The following DNAJC1 variants were observed in gnomAD, a reference collection of about 807,000 sequenced individuals.
DNAJC1 encodes dnaJ homolog subfamily C member 1.
DNAJC1 carries 58 observed loss-of-function variants against 76.6 expected under a neutral mutation model. That is an observed-to-expected ratio of 0.76 (90% CI 0.61 to 0.94). The LOEUF is 0.94. DNAJC1 is among the 40% of genes least tolerant of loss of function. The pLI is 0.00. For synonymous variants in DNAJC1, 258 were observed against 267.9 expected, an observed-to-expected ratio of 0.96 and a Z score of 0.36; for missense variants, 689 against 677.3, an observed-to-expected ratio of 1.02 and a Z score of -0.19.
chr10:21,983,231 G>A (rs956904972), intron 1 of DNAJC1, among the ~76,000 whole-genome samples: 3 of 151,894 alleles, frequency 2.0e-5, no homozygotes, highest in Admixed American at 6.6e-5. Flanking sequence ...ATAGATAAAC[G>A]GATAAATAAA....
intron 8 of DNAJC1, among the ~76,000 whole-genome samples, chr10:21,850,101 T>A (rs926873338): frequency 6.6e-6 from 1 of 152,140 alleles, no homozygotes; most frequent in Admixed American, 6.6e-5. Context: ...TTAAACATAG[T>A]ACTGGAAGTT....
chr10:21,765,412 C>T (rs760581443), intron 10 of DNAJC1, among the ~76,000 whole-genome samples: 63 of 152,106 alleles, frequency 4.1e-4, no homozygotes, highest in Non-Finnish European at 6.8e-4. Context: ...TTGGCTTGTT[C>T]ATCTGCATTA....
At chr10:21,853,244 A>G (rs1163348068) in intron 8 of DNAJC1, among the ~76,000 whole-genome samples, 1 of 152,300 alleles carries the variant, frequency 6.6e-6, no homozygotes, top group East Asian at 1.9e-4. Context: ...TATTTGGAAT[A>G]TACTGTTGAA....
At chr10:21,942,554 C>T (rs1435628648) in intron 1 of DNAJC1, among the ~76,000 whole-genome samples, 5 of 151,812 alleles carry the variant, frequency 3.3e-5, no homozygotes, top group Non-Finnish European at 1.5e-5. Context: ...CACCTGTAAT[C>T]CCAGCACTTT....
At chr10:21,780,544 C>A (rs1312048867) in intron 9 of DNAJC1, among the ~76,000 whole-genome samples, 1 of 152,160 alleles carries the variant, frequency 6.6e-6, no homozygotes, top group Non-Finnish European at 1.5e-5. Flanking sequence ...CAAGCAAATG[C>A]TGAGAGATTT....
intron 1 of DNAJC1, among the ~76,000 whole-genome samples, chr10:21,961,898 G>C (rs1279612381): frequency 6.6e-6 from 1 of 151,828 alleles, no homozygotes; most frequent in African/African-American, 2.4e-5. Context: ...CCACACTCAG[G>C]CCTCCCTCAT....
chr10:21,880,861 C>T (rs184661913), intron 8 of DNAJC1, among the ~76,000 whole-genome samples: 1 of 152,288 alleles, frequency 6.6e-6, no homozygotes, highest in African/African-American at 2.4e-5. Flanking sequence ...TGAAGCCAGG[C>T]ATCAACTTCT....
Position 21,874,525 on chromosome 10 carries a change from G to C in DNAJC1, c.978+7757C>G, listed in dbSNP as rs543764622. Among the ~76,000 whole-genome samples, 3 of 151,872 alleles carry C rather than the reference G, an allele frequency of 2.0e-5. No individual in the cohort carries two copies. In the East Asian group the frequency reaches 5.8e-4, roughly 29 times the overall value. ...GAGAACATTATGCCAAATTAAAGGA[G>C]CAAAATATAAAAGGCTACATATTGT... On this transcript the variant is annotated intron_variant, in intron 8 of 11. Transcript: ENST00000376980.
intron 1 of DNAJC1, among the ~76,000 whole-genome samples, chr10:21,971,080 C>A (rs954779378): frequency 6.6e-6 from 1 of 151,538 alleles, no homozygotes; most frequent in Admixed American, 6.6e-5. Flanking sequence ...AACTTTTATA[C>A]CATACTGAAT....
intron 1 of DNAJC1, among the ~76,000 whole-genome samples, chr10:21,986,882 C>G (rs1381045472): frequency 6.6e-6 from 1 of 152,116 alleles, no homozygotes; most frequent in Admixed American, 6.6e-5. Flanking sequence ...ATTCTCCTGC[C>G]TCAGCCTCCC....
At position 21,992,049 on chromosome 10, in the gene DNAJC1, G is replaced by A. The variant is rs142436689; in HGVS notation, c.222+11164C>T. 9.5e-3 allele frequency among the ~76,000 whole-genome samples: 1,449 copies of A among 152,266 alleles called. 13 individuals are homozygous for A. Among genetic ancestry groups the A allele is most frequent in the Non-Finnish European group, 0.016 (1,082 of 68,016 alleles). ...TTTTTGGCTGGACATGGTGGCTCAC[G>A]CCTGTAATCCCAGCACTCTGGGAGG... is the stretch of plus-strand genomic sequence containing the variant. On this transcript the variant is annotated intron_variant, in intron 1 of 11. Transcript: ENST00000376980.
chr10:21,768,246 G>A (rs1010191168), intron 9 of DNAJC1, among the ~76,000 whole-genome samples: 1 of 152,104 alleles, frequency 6.6e-6, no homozygotes, highest in East Asian at 1.9e-4. Context: ...GTAAACATGT[G>A]CTATTATATT....
intron 9 of DNAJC1, among the ~76,000 whole-genome samples, chr10:21,790,010 T>TAAAAAAAAAAAAAAAAAAAAAAA (rs35639440): frequency 2.4e-5 from 1 of 41,092 alleles, no homozygotes; most frequent in African/African-American, 1.2e-4. Flanking sequence ...GCTCTGTCTT[T>TAAAAAAAAAAAAAAAAAAAAAAA]AAAAAAAAAA....
chr10:21,927,894 T>C (rs1837155167), intron 3 of DNAJC1, among the ~76,000 whole-genome samples: 1 of 152,164 alleles, frequency 6.6e-6, no homozygotes, highest in African/African-American at 2.4e-5. Context: ...CACAGAGAAG[T>C]CTTAGAGTGA....
At chr10:21,930,296 ATTAAAC>A (rs1271669727) in intron 1 of DNAJC1, among the ~76,000 whole-genome samples, 1 of 152,192 alleles carries the variant, frequency 6.6e-6, no homozygotes, top group African/African-American at 2.4e-5. Context: ...CTTGATCTGT[ATTAAAC>A]TTAAAGTGTA....
intron 1 of DNAJC1, 66 bp from the exon 2 acceptor site, chr10:21,929,207 C>G (rs982824097): frequency 2.6e-6 from 3 of 1,157,446 alleles, no homozygotes; most frequent in Admixed American, 2.2e-5. Flanking sequence ...TTCCCAGAAC[C>G]TTGTTAAGAT....
intron 9 of DNAJC1, among the ~76,000 whole-genome samples, chr10:21,792,758 CAAAA>C (rs1287180845): frequency 1.5e-5 from 1 of 65,790 alleles, no homozygotes; most frequent in African/African-American, 4.5e-5. Flanking sequence ...GACAACACCT[CAAAA>C]AAAAAAAAAA....
In DNAJC1 at chr10:21,942,523, G is replaced by A. The variant is rs530012849; in HGVS notation, c.223-13382C>T. On this transcript the variant is annotated intron_variant, in intron 1 of 11. Coordinates refer to ENST00000376980, the MANE Select transcript of DNAJC1 (RefSeq NM_022365.4). ...TAAGATATATATAAGATAAATATAAGCGGCCGGGCGCGGTGGCTCACACCT... is the reference window on the plus strand; with the variant it reads ...TAAGATATATATAAGATAAATATAAACGGCCGGGCGCGGTGGCTCACACCT... Among the ~76,000 whole-genome samples the A allele has an allele frequency of 2.6e-5, 4 of 151,972 alleles. No homozygotes were observed. The East Asian group carries it at 7.7e-4, about 29-fold the overall frequency.
In DNAJC1 at chr10:22,003,270, C is replaced by G; in HGVS notation, c.165G>C (p.Leu55Phe). 1.3e-6 allele frequency: 2 copies of G among 1,558,120 alleles called. No homozygotes were observed. The highest frequency in any genetic ancestry group is 1.7e-6 in the Non-Finnish European group (2 of 1,154,660). The change falls in exon 1 of 12, where the codon TTG (leucine) becomes TTC (phenylalanine). Residue 55 changes from leucine to phenylalanine, a missense_variant. By Grantham distance (22) the Leu-to-Phe change is conservative. Transcript: ENST00000376980. ...GCTGCACCTCCTCCACTAAGTCAAA[C>G]AACTCCAGGTCTCCGCTCTCCCAGC... ...ARGWESGDLE[L>F]FDLVEEVQLN...
Sources: gnomAD v4.1 joint callset for allele counts (sites outside exome capture counted in the v4.1 genomes callset) on GRCh38, gnomAD v4.1.1 for gene constraint, MANE v1.5 for transcripts, NCBI Gene and HGNC (gene_info 2026-07-23, HGNC 2026-07-21) for gene names.